The following RAB27A variants were observed in gnomAD, a reference collection of about 807,000 sequenced individuals.
RAB27A encodes the protein ras-related protein Rab-27A.
Under a neutral mutation model 20.8 loss-of-function variants are expected in RAB27A, and 17 were observed. The ratio of observed to expected loss-of-function variants is 0.82; its 90% confidence interval spans 0.56 to 1.23. The LOEUF is 1.23. Ranked by LOEUF, RAB27A falls within the 50% of genes most tolerant of loss-of-function variation. RAB27A has a pLI of 0.00. For synonymous variants in RAB27A, 85 were observed against 92.8 expected, an observed-to-expected ratio of 0.92 and a Z score of 0.48; for missense variants, 277 against 266.7, an observed-to-expected ratio of 1.04 and a Z score of -0.27.
Position 55,208,777 on chromosome 15 carries a change from C to CT in RAB27A, c.468-3073dup, listed in dbSNP as rs574962288. On this transcript the variant is annotated intron_variant, in intron 6 of 6. Transcript: ENST00000336787. ...CCATCACTGGCTTAAACCAATCAGT[C>CT]TTCCTGGGCTGGTGGCTGGCACCTG... is the stretch of plus-strand genomic sequence containing the variant. Among the ~76,000 whole-genome samples, 194 of 152,348 alleles carry CT rather than the reference C, an allele frequency of 1.3e-3. 1 individual carries two copies. In the Middle Eastern group the frequency reaches 0.034, roughly 27 times the overall value.
chr15:55,274,793 A>ATT (rs1298540678), intron 1 of RAB27A, among the ~76,000 whole-genome samples: 5 of 8,794 alleles, frequency 5.7e-4, no homozygotes, highest in South Asian at 4.7e-3. Flanking sequence ...AAATAAATAA[A>ATT]TTATATATAT....
chr15:55,294,589 G>GAAAAAAAAAA (rs1181179911), upstream of RAB27A, among the ~76,000 whole-genome samples: 2 of 29,182 alleles, frequency 6.9e-5, no homozygotes, highest in Non-Finnish European at 1.3e-4. Flanking sequence ...CCCTGTCTCC[G>GAAAAAAAAAA]AAAAAAAAAA....
chr15:55,265,839 G>A (rs1897458317), intron 2 of RAB27A, among the ~76,000 whole-genome samples: 1 of 152,124 alleles, frequency 6.6e-6, no homozygotes, highest in Admixed American at 6.6e-5. Flanking sequence ...CAGAACAGAG[G>A]CTGAAAACAT....
chr15:55,306,002 G>A (rs1046821909), intron 2 of RAB27A, among the ~76,000 whole-genome samples: 1 of 151,096 alleles, frequency 6.6e-6, no homozygotes, highest in Admixed American at 6.6e-5. Context: ...ATGGTCATGG[G>A]GGGCACTAAG....
intron 6 of RAB27A, among the ~76,000 whole-genome samples, chr15:55,218,350 G>A (rs1356612615): frequency 2.0e-5 from 3 of 152,198 alleles, no homozygotes; most frequent in Non-Finnish European, 4.4e-5. Flanking sequence ...AATCAGTCTT[G>A]TATGTTTGAC....
At chr15:55,224,401 ATG>A (rs1895715164) in intron 5 of RAB27A, among the ~76,000 whole-genome samples, 1 of 152,234 alleles carries the variant, frequency 6.6e-6, no homozygotes, top group Non-Finnish European at 1.5e-5. Flanking sequence ...AACTGTTTTT[ATG>A]TGTTTTTTTC....
intron 2 of RAB27A, among the ~76,000 whole-genome samples, chr15:55,257,592 C>CT (rs1375980740): frequency 2.6e-5 from 4 of 152,214 alleles, no homozygotes; most frequent in African/African-American, 9.6e-5. Flanking sequence ...GCTAGATGTC[C>CT]TGCACAGCAT....
chr15:55,303,550 G>A (rs1379017269), intron 2 of RAB27A, among the ~76,000 whole-genome samples: 54 of 68,366 alleles, frequency 7.9e-4, no homozygotes, highest in Non-Finnish European at 1.1e-3. Context: ...CGCCCCGTCC[G>A]GGAGGGAGGT....
intron 2 of RAB27A, among the ~76,000 whole-genome samples, chr15:55,301,760 C>T (rs2054973035): frequency 6.6e-6 from 1 of 151,806 alleles, no homozygotes; most frequent in Non-Finnish European, 1.5e-5. Flanking sequence ...ATTCTCCTCC[C>T]TCAACGTCCT....
At chr15:55,210,183 ATATG>A (rs777718830) in intron 6 of RAB27A, among the ~76,000 whole-genome samples, 35 of 90,824 alleles carry the variant, frequency 3.9e-4, no homozygotes, top group African/African-American at 2.1e-3. Flanking sequence ...ACGTACACAC[ATATG>A]TATGTGTGTA....
At chr15:55,211,731 A>G (rs1394750592) in intron 6 of RAB27A, among the ~76,000 whole-genome samples, 1 of 152,212 alleles carries the variant, frequency 6.6e-6, no homozygotes, top group Non-Finnish European at 1.5e-5. Context: ...CGGTCTGATC[A>G]ATGTTATTCA....
intron 3 of RAB27A, among the ~76,000 whole-genome samples, chr15:55,231,937 A>G (rs1287154877): frequency 6.6e-6 from 1 of 152,212 alleles, no homozygotes; most frequent in Non-Finnish European, 1.5e-5. Context: ...AGAAAAAAAT[A>G]GGAAATGAGA....
Position 55,235,071 on chromosome 15 carries a change from G to A in RAB27A, c.-22-115C>T, listed in dbSNP as rs543656048. ...ACCTAATGTTAACCTGTATGTCTACGGGTTGTATGAAAAGAGAGTTACATA... is the reference window on the plus strand; with the variant it reads ...ACCTAATGTTAACCTGTATGTCTACAGGTTGTATGAAAAGAGAGTTACATA... On this transcript the variant is annotated intron_variant, in intron 2 of 6. Coordinates refer to ENST00000336787, the MANE Select transcript of RAB27A (RefSeq NM_183235.3). 100 of 815,788 alleles carry A rather than the reference G, an allele frequency of 1.2e-4. No homozygotes were observed. In the East Asian group the frequency reaches 1.9e-3, roughly 16 times the overall value. 50.5% of individuals were successfully genotyped at this position (815,788 alleles called of 1,614,324 possible).
intron 6 of RAB27A, among the ~76,000 whole-genome samples, chr15:55,215,513 G>A (rs1381896375): frequency 6.6e-6 from 1 of 151,044 alleles, no homozygotes; most frequent in Non-Finnish European, 1.5e-5. Context: ...TTAGCCGGGC[G>A]TGGTAGCGGG....
At chr15:55,267,299 G>A (rs886834206) in intron 2 of RAB27A, among the ~76,000 whole-genome samples, 1 of 152,184 alleles carries the variant, frequency 6.6e-6, no homozygotes, top group Non-Finnish European at 1.5e-5. Context: ...GGGAAAACAA[G>A]AAAAACAAAC....
In RAB27A at chr15:55,228,681, C is replaced by T. The variant is rs1229857604; in HGVS notation, c.271G>A (p.Asp91Asn). The change falls in exon 5 of 7, where the codon GAT becomes AAT. Residue 91 changes from aspartate (D) to asparagine (N), a missense_variant. Physicochemically the swap from Asp to Asn is conservative, Grantham distance 23. Coordinates refer to ENST00000336787, the MANE Select transcript of RAB27A (RefSeq NM_183235.3). ...AAAAGTAGAAGAAAACCCATAGCATCTCTGAAGAACGCTGTCGTTAAGCTA... is the reference window on the plus strand; with the variant it reads ...AAAAGTAGAAGAAAACCCATAGCATTTCTGAAGAACGCTGTCGTTAAGCTA... ...FRSLTTAFFR[D>N]AMGFLLLFDL... 1 of 1,613,696 alleles carries T rather than the reference C, an allele frequency of 6.2e-7. No homozygotes were observed. Among genetic ancestry groups the T allele is most frequent in the Admixed American group, 1.7e-5 (1 of 59,986 alleles).
intron 5 of RAB27A, among the ~76,000 whole-genome samples, chr15:55,224,616 A>G (rs1001754091): frequency 1.3e-5 from 2 of 152,248 alleles, no homozygotes; most frequent in Non-Finnish European, 1.5e-5. Context: ...GCAGAGGACT[A>G]TAATTCTTAT....
intron 2 of RAB27A, among the ~76,000 whole-genome samples, chr15:55,246,555 C>G (rs111717030): frequency 2.8e-4 from 42 of 150,950 alleles, no homozygotes; most frequent in African/African-American, 9.5e-4. Flanking sequence ...AACACTGGGT[C>G]TTATAGTACT....
intron 6 of RAB27A, among the ~76,000 whole-genome samples, chr15:55,211,433 C>T (rs900827764): frequency 2.6e-5 from 4 of 151,972 alleles, no homozygotes. Flanking sequence ...TTTCTCTCAC[C>T]TGTGTTTTAT....
Sources: gnomAD v4.1 joint callset for allele counts (sites outside exome capture counted in the v4.1 genomes callset) on GRCh38, gnomAD v4.1.1 for gene constraint, MANE v1.5 for transcripts, NCBI Gene and HGNC (gene_info 2026-07-23, HGNC 2026-07-21) for gene names.